TK2: variants seen among roughly 807,000 people sequenced by gnomAD.
TK2 encodes thymidine kinase 2, also known as thymidine kinase 2, mitochondrial.
Under a neutral mutation model 41.9 loss-of-function variants are expected in TK2, and 35 were observed. That is an observed-to-expected ratio of 0.84 (90% CI 0.64 to 1.11). TK2 has a LOEUF of 1.11. Among genes scored for constraint, TK2 ranks in the 50% least tolerant of loss-of-function variants. TK2 has a pLI of 0.00. For synonymous variants in TK2, 128 were observed against 129.1 expected (o/e 0.99, Z 0.06); for missense variants, 320 against 351.1 (o/e 0.91, Z 0.71).
At chr16:66,547,383 C>T (rs531270057) in intron 2 of TK2, among the ~76,000 whole-genome samples, 314 of 152,284 alleles carry the variant, frequency 2.1e-3, no homozygotes, top group Middle Eastern at 3.4e-3. Context: ...GGGGGTGAGG[C>T]CCTTCAGTGA....
intron 6 of TK2, among the ~76,000 whole-genome samples, chr16:66,527,924 C>A (rs1440271200): frequency 6.6e-6 from 1 of 151,966 alleles, no homozygotes; most frequent in South Asian, 2.1e-4. Context: ...CCCAGCTACT[C>A]GGGAGGCTGA....
chr16:66,517,301 T>C lies in TK2; in HGVS notation c.539-86A>G. The C allele has an allele frequency of 8.9e-7, 1 of 1,125,450 alleles. No individual in the cohort carries two copies. The highest frequency in any genetic ancestry group is 2.3e-5 in the East Asian group (1 of 42,570). 69.7% of individuals were successfully genotyped at this position (1,125,450 alleles called of 1,614,324 possible). ...CACACAGGCAAAGGCGGGAGGAAGG[T>C]CTGCACAGCTCGAGCAGGAAGCAGG... On this transcript the variant is annotated intron_variant, in intron 7 of 9. Transcript: ENST00000544898. This position sits in a 1 kb window ranked among gnomAD's most constrained non-coding sequence, Gnocchi z 4.3.
Position 66,509,726 on chromosome 16 carries a change from AC to A in TK2, c.*2241del. On this transcript the variant is annotated 3_prime_UTR_variant, in exon 10 of 10. Transcript: ENST00000544898. Reference sequence around the variant, plus strand: ...CCCTGCCATGCCCCTCCCAGCCATGACCCCCCAGTGCTCTAAGGACAAGGCC... The same window carrying A: ...CCCTGCCATGCCCCTCCCAGCCATGACCCCCAGTGCTCTAAGGACAAGGCC... 6.6e-6 allele frequency: 1 copy of A among 152,444 alleles called. No individual in the cohort carries two copies. Among genetic ancestry groups the A allele is most frequent in the Non-Finnish European group, 1.5e-5 (1 of 68,282 alleles). 9.4% of individuals were successfully genotyped at this position (152,444 alleles called of 1,614,324 possible). A position where few individuals can be genotyped will look rare whatever the true frequency, so the allele number is the denominator to read the frequency against.
chr16:66,548,886 G>A (rs952438142), intron 2 of TK2, 92 bp downstream of exon 2: 2 of 1,264,920 alleles, frequency 1.6e-6, no homozygotes. Context: ...TTTTTACTAT[G>A]GAATGTATTT....
intron 2 of TK2, among the ~76,000 whole-genome samples, chr16:66,545,228 C>A (rs1444108339): frequency 2.0e-5 from 3 of 151,922 alleles, no homozygotes; most frequent in Non-Finnish European, 4.4e-5. Context: ...TTACACAATC[C>A]CTAAAAGAAG....
chr16:66,548,066 C>A (rs1236781609), intron 2 of TK2: 9 of 705,216 alleles, frequency 1.3e-5, no homozygotes, highest in Non-Finnish European at 2.0e-5. Flanking sequence ...GACGCCGTCT[C>A]TTAAATGTAT....
intron 2 of TK2, among the ~76,000 whole-genome samples, chr16:66,543,951 A>G (rs767733552): frequency 1.3e-5 from 2 of 152,220 alleles, no homozygotes; most frequent in Non-Finnish European, 2.9e-5. Context: ...AGACCCCATT[A>G]GGGCACTAAT....
chr16:66,524,262 C>T (rs1567529867), intron 6 of TK2, among the ~76,000 whole-genome samples: 3 of 152,174 alleles, frequency 2.0e-5, no homozygotes, highest in Non-Finnish European at 4.4e-5. Context: ...CCCACCTTAC[C>T]GTCAGAACTC....
Position 66,517,702 on chromosome 16 carries a change from GC to G in TK2, c.538+86del, listed in dbSNP as rs1964656338. 1.0e-5 allele frequency: 13 copies of G among 1,281,184 alleles called. No individual in the cohort carries two copies. In the South Asian group the frequency reaches 1.4e-4, roughly 14 times the overall value. 79.4% of individuals were successfully genotyped at this position (1,281,184 alleles called of 1,614,324 possible). A position where few individuals can be genotyped will look rare whatever the true frequency, so the allele number is the denominator to read the frequency against. ...GCCAAGGGCAAGTGCCTCACCCACT[GC>G]CCCCAAGGGTTGGGGCCCAGCCAAG... On this transcript the variant is annotated intron_variant, in intron 7 of 9. Transcript: ENST00000544898. The surrounding 1 kb of genome is among the most constrained non-coding windows in gnomAD (Gnocchi z 4.3).
At chr16:66,541,685 AG>A (rs2144459217) in intron 3 of TK2, among the ~76,000 whole-genome samples, 193 bp downstream of exon 3, 1 of 152,160 alleles carries the variant, frequency 6.6e-6, no homozygotes, top group East Asian at 1.9e-4. Context: ...CCAAAGTGCT[AG>A]GATTACAGGC....
At chr16:66,518,747 C>T (rs1208807867) in intron 6 of TK2, among the ~76,000 whole-genome samples, 1 of 152,136 alleles carries the variant, frequency 6.6e-6, no homozygotes. Context: ...TATATCCCAA[C>T]CACATTTCCA....
chr16:66,521,466 C>T (rs915508108), intron 6 of TK2, among the ~76,000 whole-genome samples: 4 of 152,206 alleles, frequency 2.6e-5, no homozygotes, highest in Admixed American at 6.5e-5. Flanking sequence ...GGTCCTTGGT[C>T]GGGTGGCCTC....
intron 3 of TK2, among the ~76,000 whole-genome samples, chr16:66,539,387 T>C (rs1965385223): frequency 6.6e-6 from 1 of 151,800 alleles, no homozygotes; most frequent in Non-Finnish European, 1.5e-5. Flanking sequence ...TCACTTGAGG[T>C]CAGGAGTTTG....
chr16:66,531,328 C>A lies in TK2; in HGVS notation c.375+52G>T, dbSNP rs964990453. On this transcript the variant is annotated intron_variant, in intron 5 of 9. Transcript: ENST00000544898. ...TTCCCTTCCTGGCAATCACATACCC[C>A]AAGTCTGAAGAAAACGTTTAAGAAG... is the stretch of plus-strand genomic sequence containing the variant. The A allele has an allele frequency of 3.8e-6, 6 of 1,574,444 alleles. No homozygotes were observed. In the African/African-American group the frequency reaches 5.4e-5, roughly 14 times the overall value.
intron 2 of TK2, chr16:66,546,717 A>C (rs1029414640): frequency 2.6e-5 from 4 of 151,756 alleles, no homozygotes; most frequent in African/African-American, 9.7e-5. Context: ...CCATTATATA[A>C]GACCTGTCAC....
At chr16:66,546,048 G>C (rs1238873124) in intron 2 of TK2, among the ~76,000 whole-genome samples, 1 of 152,060 alleles carries the variant, frequency 6.6e-6, no homozygotes, top group Non-Finnish European at 1.5e-5. Context: ...TGGGCAACAT[G>C]TAGAAATCCC....
Position 66,514,011 on chromosome 16 carries a change from A to C in TK2, c.619-200T>G. 1.5e-6 allele frequency: 1 copy of C among 667,154 alleles called. No homozygotes were observed. Among genetic ancestry groups the C allele is most frequent in the Non-Finnish European group, 2.7e-6 (1 of 363,972 alleles). 41.3% of individuals were successfully genotyped at this position (667,154 alleles called of 1,614,324 possible). ...CGGTGGCCAGGCTGAGCAAAACAGC[A>C]CAAGTGTCACCAGCCACCCTGCTCT... On this transcript the variant is annotated intron_variant, in intron 8 of 9. Transcript: ENST00000544898. The surrounding 1 kb of genome is among the most constrained non-coding windows in gnomAD (Gnocchi z 4.2).
chr16:66,528,086 T>C (rs535976231), intron 6 of TK2, among the ~76,000 whole-genome samples: 2 of 152,202 alleles, frequency 1.3e-5, no homozygotes, highest in African/African-American at 2.4e-5. Flanking sequence ...GAGCTTGCCC[T>C]ATCTAGACAG....
At chr16:66,528,234 G>A (rs1468825310) in intron 6 of TK2, among the ~76,000 whole-genome samples, 2 of 152,132 alleles carry the variant, frequency 1.3e-5, no homozygotes, top group African/African-American at 4.8e-5. Flanking sequence ...TCGCGGCAGG[G>A]ACAGGTGGGG....
Sources: allele counts gnomAD v4.1 joint callset (sites outside exome capture counted in the v4.1 genomes callset), GRCh38; gene constraint gnomAD v4.1.1; non-coding constraint Gnocchi (gnomAD v3.1); transcripts MANE v1.5; gene names NCBI Gene and HGNC (gene_info 2026-07-23, HGNC 2026-07-21).